Variants in RALGAPA2 observed in about 807,000 individuals in gnomAD.
RALGAPA2 encodes the protein ral GTPase-activating protein subunit alpha-2.
A neutral mutation model predicts 230.4 loss-of-function variants in RALGAPA2; 139 were observed. The observed-to-expected ratio is 0.60, with a 90% CI of 0.53 to 0.69. RALGAPA2 has a LOEUF of 0.69. Among genes scored for constraint, RALGAPA2 ranks in the 30% least tolerant of loss-of-function variants. The pLI is 0.00. For synonymous variants in RALGAPA2, 847 were observed against 837.8 expected (o/e 1.01, Z -0.19); for missense variants, 2,163 against 2,276.0 (o/e 0.95, Z 1.01).
intron 1 of RALGAPA2, among the ~76,000 whole-genome samples, chr20:20,699,169 T>C (rs2069242604): frequency 1.3e-5 from 2 of 152,254 alleles, no homozygotes; most frequent in Admixed American, 1.3e-4. Flanking sequence ...ATTTCTCCTC[T>C]TATAAATTTC....
intron 37 of RALGAPA2, among the ~76,000 whole-genome samples, chr20:20,430,738 C>T (rs988911061): frequency 6.6e-6 from 1 of 152,166 alleles, no homozygotes; most frequent in Non-Finnish European, 1.5e-5. Context: ...ATAGCAGACA[C>T]AAGATCTCAC....
At chr20:20,473,165 A>C (rs1908251124) in intron 36 of RALGAPA2, among the ~76,000 whole-genome samples, 1 of 152,196 alleles carries the variant, frequency 6.6e-6, no homozygotes. Context: ...GGGATTCTTC[A>C]GCAAAACTTT....
At chr20:20,576,201 T>C (rs1396586227) in intron 20 of RALGAPA2, among the ~76,000 whole-genome samples, 1 of 152,150 alleles carries the variant, frequency 6.6e-6, no homozygotes, top group African/African-American at 2.4e-5. Context: ...TATTAACATC[T>C]TATATTCGAA....
chr20:20,524,982 G>T, intron 28 of RALGAPA2, 84 bp from the exon 29 acceptor site: 1 of 1,258,858 alleles, frequency 7.9e-7, no homozygotes, highest in Non-Finnish European at 1.1e-6. Context: ...CGATGGCCTT[G>T]CAACTAAACC....
At chr20:20,564,052 G>A (rs1364281194) in intron 23 of RALGAPA2, among the ~76,000 whole-genome samples, 1 of 151,976 alleles carries the variant, frequency 6.6e-6, no homozygotes, top group Admixed American at 6.6e-5. Flanking sequence ...TTATCACTGT[G>A]GTTTAAGCTT....
chr20:20,454,790 T>C (rs980343985), intron 37 of RALGAPA2, among the ~76,000 whole-genome samples: 4 of 152,198 alleles, frequency 2.6e-5, no homozygotes, highest in African/African-American at 7.2e-5. Flanking sequence ...TCTAATGATG[T>C]TTTGTGGGAA....
intron 10 of RALGAPA2, among the ~76,000 whole-genome samples, chr20:20,621,015 C>T (rs945551134): frequency 2.6e-5 from 4 of 151,834 alleles, no homozygotes; most frequent in East Asian, 1.9e-4. Flanking sequence ...GTGGCGTGTG[C>T]CTGTAATCCC....
At chr20:20,583,356 C>G (rs776242638) in intron 19 of RALGAPA2, 130 bp from the exon 20 acceptor site, 2 of 1,033,746 alleles carry the variant, frequency 1.9e-6, no homozygotes, top group African/African-American at 1.6e-5. Context: ...TTTGGCAGAA[C>G]CTGCAGAACT....
At chr20:20,522,252 A>C (rs76465782) in intron 30 of RALGAPA2, among the ~76,000 whole-genome samples, 1 of 146,404 alleles carries the variant, frequency 6.8e-6, no homozygotes, top group Non-Finnish European at 1.5e-5. Flanking sequence ...TATATGTACA[A>C]AAAAAAAAAA....
chr20:20,675,973 T>C (rs1259002081), intron 3 of RALGAPA2, among the ~76,000 whole-genome samples: 1 of 152,144 alleles, frequency 6.6e-6, no homozygotes, highest in Non-Finnish European at 1.5e-5. Context: ...CTATTTAAGA[T>C]GTGTGTACTC....
At chr20:20,651,683 TCA>T (rs2067403166) in intron 4 of RALGAPA2, among the ~76,000 whole-genome samples, 5 of 152,230 alleles carry the variant, frequency 3.3e-5, no homozygotes, top group Admixed American at 3.3e-4. Context: ...AAATTAATTT[TCA>T]CACATAGTCC....
chr20:20,703,966 TC>T (rs1472931187), intron 1 of RALGAPA2, among the ~76,000 whole-genome samples: 1 of 152,114 alleles, frequency 6.6e-6, no homozygotes, highest in Non-Finnish European at 1.5e-5. Context: ...TTTCAGTCAC[TC>T]CCTAAGGAAA....
chr20:20,454,652 C>T (rs890544004), intron 37 of RALGAPA2, among the ~76,000 whole-genome samples: 1 of 152,186 alleles, frequency 6.6e-6, no homozygotes, highest in African/African-American at 2.4e-5. Context: ...AGGGGTAGTT[C>T]CAAAGCTAAT....
At chr20:20,668,364 C>A (rs2068026809) in intron 3 of RALGAPA2, among the ~76,000 whole-genome samples, 1 of 152,132 alleles carries the variant, frequency 6.6e-6, no homozygotes, top group South Asian at 2.1e-4. Context: ...GATAGTGCCA[C>A]TGCACTCCAG....
intron 28 of RALGAPA2, among the ~76,000 whole-genome samples, 188 bp downstream of exon 28, chr20:20,526,064 G>A (rs1033109046): frequency 6.6e-6 from 1 of 152,110 alleles, no homozygotes; most frequent in Non-Finnish European, 1.5e-5. Context: ...GAATACTGCT[G>A]GCTTCTTTAC....
intron 3 of RALGAPA2, among the ~76,000 whole-genome samples, chr20:20,668,367 C>T (rs1210515187): frequency 6.6e-6 from 1 of 152,096 alleles, no homozygotes; most frequent in Non-Finnish European, 1.5e-5. Context: ...AGTGCCACTG[C>T]ACTCCAGCCT....
intron 1 of RALGAPA2, among the ~76,000 whole-genome samples, chr20:20,698,679 C>A (rs974005531): frequency 3.3e-5 from 5 of 152,130 alleles, no homozygotes; most frequent in African/African-American, 1.2e-4. Context: ...GGATTACAGG[C>A]GTGAGCTACC....
chr20:20,626,129 A>G (rs1403122167), intron 10 of RALGAPA2, among the ~76,000 whole-genome samples: 1 of 152,224 alleles, frequency 6.6e-6, no homozygotes, highest in Non-Finnish European at 1.5e-5. Flanking sequence ...TTGAACATCC[A>G]TTTTAAACTA....
chr20:20,661,342 T>A (rs2067769614), intron 3 of RALGAPA2, among the ~76,000 whole-genome samples: 1 of 152,110 alleles, frequency 6.6e-6, no homozygotes, highest in South Asian at 2.1e-4. Context: ...TATCTTTTAG[T>A]AGAGACAGGG....
Sources: allele counts gnomAD v4.1 joint callset (sites outside exome capture counted in the v4.1 genomes callset), GRCh38; gene constraint gnomAD v4.1.1; transcripts MANE v1.5; gene names NCBI Gene and HGNC (gene_info 2026-07-23, HGNC 2026-07-21).